Variants in UPF1 observed in about 807,000 individuals in gnomAD.
UPF1 encodes the protein UPF1 RNA helicase and ATPase.
In UPF1, 9 loss-of-function variants were observed where a neutral mutation model predicts 129.2. The observed-to-expected ratio is 0.07, with a 90% confidence interval of 0.04 to 0.12. The LOEUF is 0.12. UPF1 is among the 10% of genes least tolerant of loss of function. The pLI, the probability that UPF1 is intolerant of heterozygous loss-of-function variation, is 1.00. For missense variants in UPF1, 788 were observed against 1,525.3 expected, an observed-to-expected ratio of 0.52 and a Z score of 8.05; for synonymous variants, 649 against 644.9, an observed-to-expected ratio of 1.01 and a Z score of -0.10.
At chr19:18,857,229 T>C in intron 14 of UPF1, 91 bp from the exon 15 acceptor site, 1 of 1,494,472 alleles carries the variant, frequency 6.7e-7, no homozygotes, top group Non-Finnish European at 9.1e-7. Flanking sequence ...TGGTGTCCTG[T>C]GCATCCTGGG....
chr19:18,859,138 A>C (rs1212772842), intron 15 of UPF1, among the ~76,000 whole-genome samples: 2 of 152,206 alleles, frequency 1.3e-5, no homozygotes, highest in East Asian at 3.9e-4. Context: ...ACACAAGGCC[A>C]CAGAGACCTA....
chr19:18,854,795 G>A (rs2055697592), intron 9 of UPF1, 84 bp from the exon 10 acceptor site: 3 of 1,606,246 alleles, frequency 1.9e-6, no homozygotes, highest in African/African-American at 2.7e-5. Flanking sequence ...GTGGAGTGGG[G>A]TTCCCCACCC....
In UPF1 at chr19:18,853,154, A is replaced by C. The variant is rs1258806567; in HGVS notation, c.1057+83A>C. 5 of 1,602,066 alleles carry C rather than the reference A, an allele frequency of 3.1e-6. No individual in the cohort carries two copies. Among genetic ancestry groups the C allele is most frequent in the Non-Finnish European group, 4.3e-6 (5 of 1,171,214 alleles). On this transcript the variant is annotated intron_variant, in intron 7 of 23. Transcript: ENST00000262803. The surrounding 1 kb of genome is among the most constrained non-coding windows in gnomAD (Gnocchi z 4.4). ...GTGACCATAAGTAGCATAAATTCCT[A>C]GTTCCACCCTTGTAAAGTGCCCCTT...
intron 3 of UPF1, 93 bp downstream of exon 3, chr19:18,847,926 A>T: frequency 7.2e-7 from 1 of 1,388,218 alleles, no homozygotes; most frequent in Non-Finnish European, 1.0e-6. Context: ...CGTAATATAA[A>T]ATCACGCTAA....
chr19:18,868,145 G>A lies in UPF1; in HGVS notation c.*1628G>A, dbSNP rs971897377. ...AGCAGCAGCCTTGACAAACCCAGGC[G>A]CACTGTACCAAGGCAATGTAACTTT... On this transcript the variant is annotated 3_prime_UTR_variant, in exon 24 of 24. Transcript: ENST00000262803. The A allele has an allele frequency of 2.0e-5, 4 of 196,948 alleles. No homozygotes were observed. Among genetic ancestry groups the A allele is most frequent in the South Asian group, 9.2e-5 (1 of 10,848 alleles). The allele number at this position is 196,948 out of a possible 1,614,324, so 12.2% of individuals were successfully genotyped here.
chr19:18,853,415 G>A lies in UPF1; in HGVS notation c.1156+65G>A. On this transcript the variant is annotated intron_variant, in intron 8 of 23. Coordinates refer to ENST00000262803, the MANE Select transcript of UPF1 (RefSeq NM_002911.4). The surrounding 1 kb of genome is among the most constrained non-coding windows in gnomAD (Gnocchi z 4.4). ...GAGGAAAGTGGGGGCATCAGGTGGA[G>A]GCCACTGTGGATTTGATGCTCACTG... 1.4e-6 allele frequency: 2 copies of A among 1,461,112 alleles called. No homozygotes were observed. Among genetic ancestry groups the A allele is most frequent in the Non-Finnish European group, 1.8e-6 (2 of 1,082,960 alleles). The allele number at this position is 1,461,112 out of a possible 1,614,324, so 90.5% of individuals were successfully genotyped here.
intron 1 of UPF1, among the ~76,000 whole-genome samples, chr19:18,841,387 A>G (rs1001282822): frequency 6.6e-6 from 1 of 152,184 alleles, no homozygotes; most frequent in Non-Finnish European, 1.5e-5. Context: ...GAAGCAGAAA[A>G]GGGCGCCTGT....
In UPF1 at chr19:18,852,077, G is replaced by A. The variant is rs1356933614; in HGVS notation, c.811-58G>A. 8.6e-6 allele frequency: 13 copies of A among 1,520,422 alleles called. No homozygotes were observed. In the South Asian group the frequency reaches 8.8e-5, roughly 10 times the overall value. The allele number at this position is 1,520,422 out of a possible 1,614,324, so 94.2% of individuals were successfully genotyped here. A position where few individuals can be genotyped will look rare whatever the true frequency, so the allele number is the denominator to read the frequency against. On this transcript the variant is annotated intron_variant, in intron 5 of 23. Coordinates refer to ENST00000262803, the MANE Select transcript of UPF1 (RefSeq NM_002911.4). ...ATCCCTCTGGTGCCTCTGCGCCCTC[G>A]TTCATTTGCATGTAGGGAAAAACAG...
rs371536077 is a variant in UPF1, at chr19:18,854,627, C to A, written c.1183C>A (p.Leu395Met). The A allele has an allele frequency of 6.2e-7, 1 of 1,613,738 alleles. No individual in the cohort carries two copies. Among genetic ancestry groups the A allele is most frequent in the African/African-American group, 1.3e-5 (1 of 74,940 alleles). ...DNYGDEIAIE[L>M]RSSVGAPVEV... ...TTATGGCGATGAGATCGCCATTGAGCTGCGGAGCAGCGTGGGTGCACCTGT... is the reference window on the plus strand; with the variant it reads ...TTATGGCGATGAGATCGCCATTGAGATGCGGAGCAGCGTGGGTGCACCTGT... Residue 395 changes from leucine (L) to methionine (M), a missense_variant, in exon 9 of 24, where the codon CTG becomes ATG. Leu to Met is a conservative substitution (Grantham distance 15). Coordinates refer to ENST00000262803, the MANE Select transcript of UPF1 (RefSeq NM_002911.4).
chr19:18,845,056 C>T (rs1463839851), intron 1 of UPF1, among the ~76,000 whole-genome samples: 1 of 152,194 alleles, frequency 6.6e-6, no homozygotes, highest in Non-Finnish European at 1.5e-5. Flanking sequence ...TCCCTAGGCT[C>T]GCACAGGTGC....
intron 8 of UPF1, among the ~76,000 whole-genome samples, chr19:18,854,302 C>T (rs139331452): frequency 1.3e-5 from 2 of 152,322 alleles, no homozygotes; most frequent in African/African-American, 4.8e-5. Context: ...GCTGGCTTCG[C>T]TGCCGCCCTC....
At chr19:18,844,845 T>C (rs2055580858) in intron 1 of UPF1, among the ~76,000 whole-genome samples, 1 of 152,266 alleles carries the variant, frequency 6.6e-6, no homozygotes, top group Non-Finnish European at 1.5e-5. Context: ...AATATATTTT[T>C]GAAATTAATG....
chr19:18,840,243 T>A (rs2055527485), intron 1 of UPF1, among the ~76,000 whole-genome samples: 1 of 151,914 alleles, frequency 6.6e-6, no homozygotes, highest in Non-Finnish European at 1.5e-5. Context: ...TGTGTATGCA[T>A]GAGTAAGTGT....
Position 18,850,308 on chromosome 19 carries a change from G to A in UPF1, c.629+66G>A. 6.6e-7 allele frequency: 1 copy of A among 1,512,216 alleles called. No individual in the cohort carries two copies. Among genetic ancestry groups the A allele is most frequent in the Non-Finnish European group, 8.8e-7 (1 of 1,133,062 alleles). The allele number at this position is 1,512,216 out of a possible 1,614,324, so 93.7% of individuals were successfully genotyped here. On this transcript the variant is annotated intron_variant, in intron 4 of 23. Transcript: ENST00000262803. This position sits in a 1 kb window ranked among gnomAD's most constrained non-coding sequence, Gnocchi z 7.1. ...CTCCAGCCGTCTCCTCACAAGCCTT[G>A]GCCCAGCCCAGCCCAGCCGTGGCTC...
Position 18,865,841 on chromosome 19 carries a change from C to G in UPF1, c.3237+63C>G. 1.2e-6 allele frequency: 2 copies of G among 1,600,466 alleles called. No homozygotes were observed. Among genetic ancestry groups the G allele is most frequent in the Non-Finnish European group, 1.7e-6 (2 of 1,174,896 alleles). On this transcript the variant is annotated intron_variant, in intron 22 of 23. Coordinates refer to ENST00000262803, the MANE Select transcript of UPF1 (RefSeq NM_002911.4). The surrounding 1 kb of genome is among the most constrained non-coding windows in gnomAD (Gnocchi z 6.1). ...GGTGGGGCTATGCACCTGAAACATT[C>G]CCTCTGAAGAGCCCCAGAGAGCTGG... is the stretch of plus-strand genomic sequence containing the variant.
chr19:18,861,840 A>T (rs1225533116), intron 17 of UPF1, among the ~76,000 whole-genome samples, 170 bp from the exon 18 acceptor site: 1 of 152,086 alleles, frequency 6.6e-6, no homozygotes, highest in Non-Finnish European at 1.5e-5. Context: ...AAAAAAGAAA[A>T]CAAAACGAAA....
chr19:18,839,181 T>C (rs2055514780), intron 1 of UPF1, among the ~76,000 whole-genome samples: 1 of 152,054 alleles, frequency 6.6e-6, no homozygotes, highest in African/African-American at 2.4e-5. Flanking sequence ...AACCTCTGCC[T>C]CCCGGGTTTA....
At chr19:18,857,161 G>A (rs1014498960) in intron 14 of UPF1, 141 bp downstream of exon 14, 6 of 1,492,430 alleles carry the variant, frequency 4.0e-6, no homozygotes, top group Middle Eastern at 2.3e-4. Flanking sequence ...TTTATAGAGG[G>A]TGGGTTCTGC....
rs1249690376 is a variant in UPF1 at position 18,863,542 on chromosome 19, C to T, written c.2705C>T (p.Pro902Leu). ...YKEQKVLVEGPLNNLRESLMQ... is the reference protein window; with the variant it reads ...YKEQKVLVEGLLNNLRESLMQ... ...GAGCAGAAGGTGCTGGTGGAGGGGC[C>T]GCTCAACAACCTGCGTGAGAGCCTC... Residue 902 changes from proline (P) to leucine (L), a missense_variant, in exon 19 of 24, where the codon CCG becomes CTG. Physicochemically the swap from Pro to Leu is moderately conservative, Grantham distance 98. Coordinates refer to ENST00000262803, the MANE Select transcript of UPF1 (RefSeq NM_002911.4). 1 of 1,613,830 alleles carries T rather than the reference C, an allele frequency of 6.2e-7. No homozygotes were observed. The highest frequency in any genetic ancestry group is 8.5e-7 in the Non-Finnish European group (1 of 1,179,882).
Sources: allele counts gnomAD v4.1 joint callset (sites outside exome capture counted in the v4.1 genomes callset), GRCh38; gene constraint gnomAD v4.1.1; non-coding constraint Gnocchi (gnomAD v3.1); transcripts MANE v1.5; gene names NCBI Gene and HGNC (gene_info 2026-07-23, HGNC 2026-07-21).